Variants in BEAN1 observed in about 807,000 individuals in gnomAD.
The protein encoded by BEAN1 is brain expressed associated with NEDD4 1.
BEAN1 carries 17 observed loss-of-function variants against 17.7 expected under a neutral mutation model. The ratio of observed to expected loss-of-function variants is 0.96; its 90% CI spans 0.66 to 1.44. BEAN1 has a LOEUF of 1.44. BEAN1 is among the 40% of genes most tolerant of loss of function. The pLI, the probability that BEAN1 is intolerant of heterozygous loss-of-function variation, is 0.00. For missense variants in BEAN1, 359 were observed against 374.1 expected (o/e 0.96, Z 0.33); for synonymous variants, 142 against 151.8 (o/e 0.94, Z 0.47).
chr16:66,489,378 C>T (rs1035889435), intron 4 of BEAN1, among the ~76,000 whole-genome samples: 2 of 152,204 alleles, frequency 1.3e-5, no homozygotes, highest in African/African-American at 4.8e-5. Flanking sequence ...CTCTCCAACC[C>T]TCTTTGACCC....
chr16:66,485,303 A>G, downstream of BEAN1: 1 of 367,354 alleles, frequency 2.7e-6, no homozygotes, highest in East Asian at 7.3e-5. Flanking sequence ...TTTGGTGCAC[A>G]CACACTAGTG....
At chr16:66,429,162 G>A (rs1961698341) in intron 1 of BEAN1, among the ~76,000 whole-genome samples, 1 of 152,188 alleles carries the variant, frequency 6.6e-6, no homozygotes, top group Non-Finnish European at 1.5e-5. Context: ...CGATGGTGAC[G>A]GTTCAGACAG....
chr16:66,462,104 T>C (rs1963109470), intron 2 of BEAN1, among the ~76,000 whole-genome samples: 1 of 152,218 alleles, frequency 6.6e-6, no homozygotes, highest in Non-Finnish European at 1.5e-5. Context: ...TGGCATAGAC[T>C]TAGAAAGTGG....
At chr16:66,493,785 T>G (rs113561566), downstream of BEAN1, among the ~76,000 whole-genome samples, 33 of 152,302 alleles carry the variant, frequency 2.2e-4, no homozygotes, top group African/African-American at 7.5e-4. Context: ...AGCCCCAGAA[T>G]AGACGCCGCA....
At chr16:66,485,522 G>T (rs998839858), downstream of BEAN1, 3 of 229,218 alleles carry the variant, frequency 1.3e-5, no homozygotes, top group African/African-American at 6.7e-5. Context: ...GCACGTCCTC[G>T]GGGCCAGAGG....
chr16:66,467,184 A>G (rs2142426361), intron 2 of BEAN1, among the ~76,000 whole-genome samples: 1 of 152,384 alleles, frequency 6.6e-6, no homozygotes, highest in South Asian at 2.1e-4. Context: ...CGCTAAAGAC[A>G]GTAAATAAAG....
At chr16:66,487,310 TCTC>T (rs1249128058), downstream of BEAN1, among the ~76,000 whole-genome samples, 1 of 151,918 alleles carries the variant, frequency 6.6e-6, no homozygotes, top group Non-Finnish European at 1.5e-5. Context: ...TCCTGCCTCT[TCTC>T]CTCCTTACAG....
chr16:66,483,786 AGC>A (rs952125990), downstream of BEAN1: 4 of 152,490 alleles, frequency 2.6e-5, no homozygotes, highest in African/African-American at 4.8e-5. Context: ...AGGAGGGTGC[AGC>A]GGGGGGAAAG....
intron 2 of BEAN1, among the ~76,000 whole-genome samples, chr16:66,443,141 C>A (rs1962323190): frequency 6.6e-6 from 1 of 152,204 alleles, no homozygotes; most frequent in Non-Finnish European, 1.5e-5. Context: ...GAAATGAAAC[C>A]ATTATCCATC....
At chr16:66,446,466 G>A (rs1962461026) in intron 2 of BEAN1, among the ~76,000 whole-genome samples, 3 of 152,162 alleles carry the variant, frequency 2.0e-5, no homozygotes, top group African/African-American at 7.2e-5. Context: ...GTTTTGACAT[G>A]TTTTGTCTGA....
chr16:66,453,816 C>T (rs1288193037), intron 2 of BEAN1, among the ~76,000 whole-genome samples: 1 of 152,140 alleles, frequency 6.6e-6, no homozygotes, highest in Non-Finnish European at 1.5e-5. Flanking sequence ...TCATTGCAAC[C>T]TCTGTCTTCC....
intron 2 of BEAN1, 146 bp downstream of exon 2, chr16:66,437,847 A>G: frequency 2.8e-6 from 3 of 1,084,952 alleles, no homozygotes; most frequent in South Asian, 1.3e-5. Flanking sequence ...GGGTGGGGAG[A>G]GGGCAACACG....
intron 2 of BEAN1, among the ~76,000 whole-genome samples, chr16:66,439,753 G>A (rs566620856): frequency 2.8e-4 from 43 of 152,182 alleles, no homozygotes; most frequent in Non-Finnish European, 4.9e-4. Flanking sequence ...ACACCCTGGA[G>A]GAGGAGCTAG....
intron 2 of BEAN1, among the ~76,000 whole-genome samples, chr16:66,463,499 A>G (rs1038528855): frequency 1.3e-5 from 2 of 152,060 alleles, no homozygotes; most frequent in Non-Finnish European, 2.9e-5. Context: ...TTGTCTTTTT[A>G]TTATTGAGTT....
chr16:66,437,815 C>A, intron 2 of BEAN1, 114 bp downstream of exon 2: 1 of 1,343,422 alleles, frequency 7.4e-7, no homozygotes, highest in Non-Finnish European at 1.0e-6. Context: ...AGGGGTCCAA[C>A]CAGAGGCTAA....
intron 4 of BEAN1, among the ~76,000 whole-genome samples, chr16:66,488,714 A>C (rs1964124619): frequency 1.3e-5 from 2 of 151,246 alleles, no homozygotes; most frequent in Admixed American, 1.3e-4. Flanking sequence ...AAAAAACAAA[A>C]ACAAACAAAC....
chr16:66,486,919 G>A (rs1364434730), downstream of BEAN1, among the ~76,000 whole-genome samples: 1 of 152,180 alleles, frequency 6.6e-6, no homozygotes, highest in East Asian at 1.9e-4. Context: ...AGCAAAGAAA[G>A]GAGGAAAGAG....
intron 4 of BEAN1, among the ~76,000 whole-genome samples, chr16:66,479,395 G>C (rs952520448): frequency 1.3e-5 from 2 of 152,092 alleles, no homozygotes; most frequent in Non-Finnish European, 1.5e-5. Flanking sequence ...ACGAGGGGAT[G>C]CCCCAGCTGC....
intron 1 of BEAN1, among the ~76,000 whole-genome samples, chr16:66,433,815 C>T (rs1020979173): frequency 5.9e-5 from 9 of 152,178 alleles, no homozygotes; most frequent in African/African-American, 2.2e-4. Flanking sequence ...TCTCTGTCTG[C>T]CGCCCATGGT....
Sources: gnomAD v4.1 joint callset for allele counts (sites outside exome capture counted in the v4.1 genomes callset) on GRCh38, gnomAD v4.1.1 for gene constraint, MANE v1.5 for transcripts, NCBI Gene and HGNC (gene_info 2026-07-23, HGNC 2026-07-21) for gene names.